The following GNG4 variants were observed in gnomAD, a reference collection of about 807,000 sequenced individuals.
GNG4 encodes the protein guanine nucleotide-binding protein G(I)/G(S)/G(O) subunit gamma-4.
In GNG4, 4 loss-of-function variants were observed where a neutral mutation model predicts 5.8. The observed-to-expected ratio is 0.69, with a 90% CI of 0.34 to 1.57. The LOEUF (loss-of-function observed/expected upper bound fraction) is 1.57, where lower values mean the gene tolerates loss of function less well. Among genes scored for constraint, GNG4 ranks in the 40% most tolerant of loss-of-function variants. GNG4 has a pLI of 0.06. For missense variants in GNG4, 96 were observed against 95.1 expected (o/e 1.01, Z -0.04); for synonymous variants, 29 against 32.9 (o/e 0.88, Z 0.41).
In GNG4 at chr1:235,607,965, T is replaced by A. The variant is rs1426926120; in HGVS notation, c.-122-12454A>T. Among the ~76,000 whole-genome samples, 4 of 148,620 alleles carry A rather than the reference T, an allele frequency of 2.7e-5. No homozygotes were observed. In the East Asian group the frequency reaches 7.9e-4, roughly 29 times the overall value. On this transcript the variant is annotated intron_variant, in intron 1 of 3. Transcript: ENST00000391854. ...TTTTTTTTTTTTTTTTGAGATGGAA[T>A]CTCGCTCTGTCACCCAGGCTGGAGT... is the stretch of plus-strand genomic sequence containing the variant.
At chr1:235,558,971 T>G (rs1443151683) in intron 3 of GNG4, among the ~76,000 whole-genome samples, 3 of 152,228 alleles carry the variant, frequency 2.0e-5, no homozygotes, top group Non-Finnish European at 4.4e-5. Flanking sequence ...TTAGTTGCAC[T>G]ATAATTACAA....
chr1:235,621,173 A>G (rs1205839656), intron 1 of GNG4, among the ~76,000 whole-genome samples: 1 of 150,720 alleles, frequency 6.6e-6, no homozygotes, highest in Non-Finnish European at 1.5e-5. Flanking sequence ...ATCTGGTCTT[A>G]GTAAGCCCTC....
chr1:235,605,492 A>G (rs1188314429), intron 1 of GNG4, among the ~76,000 whole-genome samples: 2 of 152,072 alleles, frequency 1.3e-5, no homozygotes, highest in Non-Finnish European at 2.9e-5. Flanking sequence ...CCTGCCTTCT[A>G]TTTATGTGGA....
chr1:235,621,816 A>G (rs545058497), intron 1 of GNG4, among the ~76,000 whole-genome samples: 2 of 152,066 alleles, frequency 1.3e-5, no homozygotes, highest in South Asian at 2.1e-4. Context: ...AGCTGGGACT[A>G]CAGGAGTGCA....
At position 235,581,335 on chromosome 1, in the gene GNG4, C is replaced by T. The variant is rs561028889; in HGVS notation, c.99+2405G>A. Among the ~76,000 whole-genome samples, 6 of 152,124 alleles carry T rather than the reference C, an allele frequency of 3.9e-5. No homozygotes were observed. The East Asian group carries it at 1.2e-3, about 30-fold the overall frequency. ...ACGAGGTCAAGAGATTGAGACCATCCTCACCAACACGGTGAAACCCCGTCT... is the reference window on the plus strand; with the variant it reads ...ACGAGGTCAAGAGATTGAGACCATCTTCACCAACACGGTGAAACCCCGTCT... On this transcript the variant is annotated intron_variant, in intron 3 of 3. Coordinates refer to ENST00000391854, the MANE Select transcript of GNG4 (RefSeq NM_001098722.2).
intron 1 of GNG4, among the ~76,000 whole-genome samples, chr1:235,607,349 A>C (rs1402663325): frequency 6.6e-6 from 1 of 152,220 alleles, no homozygotes. Flanking sequence ...CAGACCAAAT[A>C]TTGAAATGGT....
At chr1:235,577,642 T>C (rs1687520525) in intron 3 of GNG4, among the ~76,000 whole-genome samples, 2 of 149,730 alleles carry the variant, frequency 1.3e-5, no homozygotes, top group South Asian at 4.3e-4. Context: ...GGTTTCACTA[T>C]GTTGGTCAGG....
At chr1:235,595,949 C>A (rs1034975783) in intron 1 of GNG4, among the ~76,000 whole-genome samples, 1 of 151,314 alleles carries the variant, frequency 6.6e-6, no homozygotes, top group Non-Finnish European at 1.5e-5. Flanking sequence ...CCGAGGCGGG[C>A]GGATCACGAG....
At chr1:235,610,364 C>T (rs191855890) in intron 1 of GNG4, among the ~76,000 whole-genome samples, 5 of 152,296 alleles carry the variant, frequency 3.3e-5, no homozygotes, top group East Asian at 1.9e-4. Flanking sequence ...GTTGTCATCA[C>T]GTGATTAAGG....
rs1475801606 is a variant in GNG4, at chr1:235,548,226, C to A, written c.*3883G>T. On this transcript the variant is annotated 3_prime_UTR_variant, in exon 4 of 4. Coordinates refer to ENST00000391854, the MANE Select transcript of GNG4 (RefSeq NM_001098722.2). The stretch of plus-strand genomic sequence containing the variant: ...ATTGTTAGGTCATATATATTTACAT[C>A]CAACTCAAGCTCTTTCATGAAAGAA... The A allele has an allele frequency of 6.6e-6, 1 of 152,124 alleles. No homozygotes were observed. The highest frequency in any genetic ancestry group is 1.5e-5 in the Non-Finnish European group (1 of 68,030). 9.4% of individuals were successfully genotyped at this position (152,124 alleles called of 1,614,324 possible).
At chr1:235,601,864 G>A (rs999176258) in intron 1 of GNG4, among the ~76,000 whole-genome samples, 1 of 152,326 alleles carries the variant, frequency 6.6e-6, no homozygotes, top group African/African-American at 2.4e-5. Context: ...AAGGGCAGGC[G>A]AGGACAGTGG....
rs553507684 is a variant in GNG4 at position 235,635,597 on chromosome 1, T to C, written c.-123+14065A>G. Among the ~76,000 whole-genome samples the C allele has an allele frequency of 5.1e-4, 8 of 15,590 alleles. No individual in the cohort carries two copies. The East Asian group carries it at 0.06, about 116-fold the overall frequency. 10.2% of individuals were successfully genotyped at this position (15,590 alleles called of 152,430 possible). A position where few individuals can be genotyped will look rare whatever the true frequency, so the allele number is the denominator to read the frequency against. On this transcript the variant is annotated intron_variant, in intron 1 of 3. Transcript: ENST00000391854. ...CTCCTGAGGCCTCCCCAGAAGCAGA[T>C]GCTGGTGCCATGCTTGTACAACCTG...
chr1:235,596,727 T>C (rs1490421772), intron 1 of GNG4, among the ~76,000 whole-genome samples: 2 of 152,054 alleles, frequency 1.3e-5, no homozygotes, highest in African/African-American at 2.4e-5. Flanking sequence ...GCTCTTTTTT[T>C]TTAATATTTA....
intron 3 of GNG4, among the ~76,000 whole-genome samples, chr1:235,562,038 T>G (rs979393082): frequency 2.0e-5 from 3 of 152,266 alleles, no homozygotes; most frequent in Non-Finnish European, 4.4e-5. Context: ...TGTTCAGTTG[T>G]TCTTACAGTA....
intron 3 of GNG4, among the ~76,000 whole-genome samples, chr1:235,557,864 C>T (rs2102913721): frequency 6.6e-6 from 1 of 152,266 alleles, no homozygotes; most frequent in East Asian, 1.9e-4. Context: ...TCCCTTACAG[C>T]CCAGTGTCTG....
intron 3 of GNG4, among the ~76,000 whole-genome samples, chr1:235,573,439 T>C (rs1445425608): frequency 6.6e-6 from 1 of 151,582 alleles, no homozygotes; most frequent in Non-Finnish European, 1.5e-5. Flanking sequence ...CAAACCTGCA[T>C]GTTGTGTACA....
At chr1:235,586,409 C>T (rs1361910734) in intron 2 of GNG4, among the ~76,000 whole-genome samples, 2 of 152,098 alleles carry the variant, frequency 1.3e-5, no homozygotes, top group African/African-American at 4.8e-5. Flanking sequence ...TGTGTGTCTG[C>T]GTTGCTGTGT....
At chr1:235,575,893 C>T (rs1290839517) in intron 3 of GNG4, among the ~76,000 whole-genome samples, 1 of 152,188 alleles carries the variant, frequency 6.6e-6, no homozygotes, top group Non-Finnish European at 1.5e-5. Flanking sequence ...CGCTGCACTT[C>T]ACCCTTGGGA....
chr1:235,571,798 T>C (rs141313183), intron 3 of GNG4, among the ~76,000 whole-genome samples: 18 of 152,292 alleles, frequency 1.2e-4, no homozygotes, highest in African/African-American at 4.3e-4. Context: ...GGGTATAGCC[T>C]ATTGCTCCTA....
Sources: gnomAD v4.1 joint callset for allele counts (sites outside exome capture counted in the v4.1 genomes callset) on GRCh38, gnomAD v4.1.1 for gene constraint, MANE v1.5 for transcripts, NCBI Gene and HGNC (gene_info 2026-07-23, HGNC 2026-07-21) for gene names.